The following TRPC7 variants were observed in gnomAD, a reference collection of about 807,000 sequenced individuals.
The protein encoded by TRPC7 is transient receptor potential cation channel subfamily C member 7.
A neutral mutation model predicts 90.1 loss-of-function variants in TRPC7; 42 were observed. The ratio of observed to expected loss-of-function variants is 0.47; its 90% CI spans 0.36 to 0.60. TRPC7 has a LOEUF of 0.60. Ranked by LOEUF, TRPC7 falls within the 20% of genes least tolerant of loss-of-function variation. The probability of loss-of-function intolerance (pLI) is 0.00; values close to 1 mark genes in which losing one functional copy is unlikely to be tolerated. For missense variants in TRPC7, 955 were observed against 1,112.3 expected (o/e 0.86, Z 2.01); for synonymous variants, 451 against 436.3 (o/e 1.03, Z -0.42).
intron 2 of TRPC7, among the ~76,000 whole-genome samples, chr5:136,340,685 C>T (rs913803688): frequency 4.6e-5 from 7 of 151,794 alleles, no homozygotes; most frequent in Non-Finnish European, 7.4e-5. Flanking sequence ...ATAAATTTTC[C>T]GTTCAGAAAA....
intron 11 of TRPC7, among the ~76,000 whole-genome samples, chr5:136,214,956 C>A (rs1024771486): frequency 2.0e-5 from 3 of 152,054 alleles, no homozygotes; most frequent in Non-Finnish European, 4.4e-5. Flanking sequence ...GGAAAACAAC[C>A]CAAACAGTGA....
chr5:136,284,204 A>G (rs759499736), intron 3 of TRPC7, among the ~76,000 whole-genome samples: 1 of 152,224 alleles, frequency 6.6e-6, no homozygotes, highest in Non-Finnish European at 1.5e-5. Flanking sequence ...GAGGATATGA[A>G]TATTCAGCAT....
chr5:136,346,169 T>G (rs1019609389), intron 2 of TRPC7, among the ~76,000 whole-genome samples: 2 of 152,154 alleles, frequency 1.3e-5, no homozygotes, highest in African/African-American at 4.8e-5. Flanking sequence ...ACATGGCACA[T>G]GTATACATAT....
chr5:136,266,508 C>T (rs1018577079), intron 4 of TRPC7, 72 bp from the exon 5 acceptor site: 7 of 1,342,020 alleles, frequency 5.2e-6, no homozygotes, highest in Non-Finnish European at 7.2e-6. Context: ...TATAACATCG[C>T]TTTCACCAAA....
intron 5 of TRPC7, among the ~76,000 whole-genome samples, chr5:136,263,051 ATGTT>A (rs1756907765): frequency 6.6e-6 from 1 of 152,250 alleles, no homozygotes; most frequent in Non-Finnish European, 1.5e-5. Context: ...GTTCTTTTGA[ATGTT>A]TGTTGAATAC....
chr5:136,342,989 G>C (rs189651805), intron 2 of TRPC7, among the ~76,000 whole-genome samples: 1 of 152,284 alleles, frequency 6.6e-6, no homozygotes, highest in Admixed American at 6.5e-5. Flanking sequence ...GAGGTGGATA[G>C]AGATTAGTGG....
chr5:136,357,422 G>C (rs772668632), intron 1 of TRPC7, 37 bp from the exon 2 acceptor site: 26 of 1,548,352 alleles, frequency 1.7e-5, no homozygotes, highest in Non-Finnish European at 6.9e-6. Context: ...TTACTTTCCT[G>C]CGGATTCCCT....
intron 8 of TRPC7, among the ~76,000 whole-genome samples, chr5:136,229,104 A>AT (rs1561679706): frequency 6.6e-6 from 1 of 152,256 alleles, no homozygotes; most frequent in Non-Finnish European, 1.5e-5. Context: ...ACATGGGGAA[A>AT]CTGAGGCCCA....
intron 2 of TRPC7, among the ~76,000 whole-genome samples, chr5:136,351,577 T>G (rs1430860876): frequency 6.6e-6 from 1 of 152,222 alleles, no homozygotes; most frequent in Non-Finnish European, 1.5e-5. Flanking sequence ...CAATTTGTTG[T>G]CTCCCTGGCT....
At chr5:136,301,827 C>T (rs185647175) in intron 3 of TRPC7, among the ~76,000 whole-genome samples, 66 of 152,346 alleles carry the variant, frequency 4.3e-4, no homozygotes, top group Non-Finnish European at 6.2e-4. Context: ...CACACGGACA[C>T]GCATGAAATT....
At chr5:136,217,269 C>T (rs1358912607) in intron 10 of TRPC7, among the ~76,000 whole-genome samples, 1 of 152,222 alleles carries the variant, frequency 6.6e-6, no homozygotes, top group African/African-American at 2.4e-5. Flanking sequence ...CTGTAGGGAC[C>T]TGATTCTGTT....
chr5:136,239,293 G>A (rs1756083738), intron 7 of TRPC7, among the ~76,000 whole-genome samples: 1 of 152,212 alleles, frequency 6.6e-6, no homozygotes, highest in African/African-American at 2.4e-5. Flanking sequence ...AGCCGGTCCT[G>A]ACTTGAATTT....
At chr5:136,252,112 G>A (rs1457281108) in intron 5 of TRPC7, among the ~76,000 whole-genome samples, 1 of 152,210 alleles carries the variant, frequency 6.6e-6, no homozygotes, top group Non-Finnish European at 1.5e-5. Flanking sequence ...AGTGAGGAGA[G>A]AGTTTTCATT....
At chr5:136,237,597 C>G (rs544879999) in intron 7 of TRPC7, among the ~76,000 whole-genome samples, 2 of 152,148 alleles carry the variant, frequency 1.3e-5, no homozygotes, top group African/African-American at 4.8e-5. Context: ...TTTGAGTATA[C>G]GTTTTTGGCC....
In TRPC7 at chr5:136,239,554, C is replaced by T. The variant is rs570304084; in HGVS notation, c.1844+7917G>A. Among the ~76,000 whole-genome samples the T allele has an allele frequency of 5.3e-5, 8 of 152,340 alleles. 1 individual carries two copies. The South Asian group carries it at 1.7e-3, about 32-fold the overall frequency. On this transcript the variant is annotated intron_variant, in intron 7 of 11. Coordinates refer to ENST00000513104, the MANE Select transcript of TRPC7 (RefSeq NM_020389.3). ...TAGGGTGCCTCAGGGTGACCTCTCC[C>T]TCGGTTTCTCTCAATATATCATTGA...
intron 7 of TRPC7, among the ~76,000 whole-genome samples, chr5:136,236,331 T>C (rs1248111851): frequency 6.6e-6 from 1 of 152,062 alleles, no homozygotes; most frequent in Non-Finnish European, 1.5e-5. Flanking sequence ...TTGAATGGAG[T>C]CAATAATTCA....
chr5:136,354,944 T>C (rs1257137169), intron 2 of TRPC7, among the ~76,000 whole-genome samples: 1 of 152,224 alleles, frequency 6.6e-6, no homozygotes, highest in Non-Finnish European at 1.5e-5. Flanking sequence ...TACATCTCCT[T>C]TGAGCCCTCC....
At chr5:136,236,745 A>T (rs1464634158) in intron 7 of TRPC7, among the ~76,000 whole-genome samples, 1 of 152,218 alleles carries the variant, frequency 6.6e-6, no homozygotes, top group Admixed American at 6.5e-5. Flanking sequence ...CGGGCCTCAG[A>T]GAGCAAACTG....
chr5:136,258,045 A>C (rs1375728394), intron 5 of TRPC7, among the ~76,000 whole-genome samples: 1 of 152,160 alleles, frequency 6.6e-6, no homozygotes, highest in Non-Finnish European at 1.5e-5. Flanking sequence ...GAAATGAATG[A>C]ATTTGGAGTT....
Sources: allele counts gnomAD v4.1 joint callset (sites outside exome capture counted in the v4.1 genomes callset), GRCh38; gene constraint gnomAD v4.1.1; transcripts MANE v1.5; gene names NCBI Gene and HGNC (gene_info 2026-07-23, HGNC 2026-07-21).